The following CKB variants were observed in gnomAD, a reference collection of about 807,000 sequenced individuals.
CKB encodes the protein creatine kinase B, also known as creatine kinase B-type.
Under a neutral mutation model 36.9 loss-of-function variants are expected in CKB, and 15 were observed. The ratio of observed to expected loss-of-function variants is 0.41; its 90% CI spans 0.27 to 0.63. The LOEUF (loss-of-function observed/expected upper bound fraction) is 0.63. CKB is among the 20% of genes least tolerant of loss of function. The probability of loss-of-function intolerance (pLI) is 0.34; values close to 1 mark genes in which losing one functional copy is unlikely to be tolerated. For synonymous variants in CKB, 250 were observed against 228.2 expected (o/e 1.10, Z -0.86); for missense variants, 413 against 534.9 (o/e 0.77, Z 2.25).
intron 5 of CKB, 135 bp downstream of exon 5, chr14:103,521,128 G>A: frequency 2.7e-6 from 3 of 1,117,306 alleles, no homozygotes; most frequent in Admixed American, 4.0e-5. Flanking sequence ...CCCAGACCCG[G>A]AGCGCGGCCG....
intron 3 of CKB, 33 bp downstream of exon 3, chr14:103,521,990 C>CCCCG (rs758945270): frequency 6.5e-7 from 1 of 1,546,422 alleles, no homozygotes; most frequent in South Asian, 1.2e-5. Flanking sequence ...AAGACCCCGG[C>CCCCG]CCCGCCCGCC....
chr14:103,520,639 C>A, intron 5 of CKB, 47 bp from the exon 6 acceptor site: 1 of 1,574,128 alleles, frequency 6.4e-7, no homozygotes, highest in Non-Finnish European at 8.6e-7. Context: ...AAGCCCCAGG[C>A]CGCCCCCAGA....
rs1595994587 is a variant in CKB, at chr14:103,520,368, C to G, written c.778-57G>C. 12 of 1,587,040 alleles carry G rather than the reference C, an allele frequency of 7.6e-6. No individual in the cohort carries two copies. In the East Asian group the frequency reaches 2.7e-4, roughly 36 times the overall value. ...GGCCTGCCTGAAACCCCTACAGGCC[C>G]TGAGACTCCCCAGTGCCGGAAATCC... On this transcript the variant is annotated intron_variant, in intron 6 of 7. Coordinates refer to ENST00000348956, the MANE Select transcript of CKB (RefSeq NM_001823.5).
rs2075892506 is a variant in CKB, at chr14:103,520,457, C to T, written c.777+12G>A. The T allele has an allele frequency of 4.4e-6, 7 of 1,598,072 alleles. No homozygotes were observed. The highest frequency in any genetic ancestry group is 2.2e-5 in the South Asian group (2 of 89,558). Reference sequence around the variant, plus strand: ...GGGGCCCTGGGGTCTGGGCCTGCCCCGTCCCTGGCACCTGGGTGAGGCCGG... The same window carrying T: ...GGGGCCCTGGGGTCTGGGCCTGCCCTGTCCCTGGCACCTGGGTGAGGCCGG... On this transcript the variant is annotated intron_variant, in intron 6 of 7. Transcript: ENST00000348956.
chr14:103,519,783 GAAC>G lies in CKB; in HGVS notation c.*78_*80del. ...CAAGGCTAAGGGCTCGCCAGACGGC[GAAC>G]ATCAGGGGTGCATGGTGGGCACTGC... On this transcript the variant is annotated 3_prime_UTR_variant, in exon 8 of 8. Coordinates refer to ENST00000348956, the MANE Select transcript of CKB (RefSeq NM_001823.5). 1 of 1,476,346 alleles carries G rather than the reference GAAC, an allele frequency of 6.8e-7. No individual in the cohort carries two copies. The highest frequency in any genetic ancestry group is 9.0e-7 in the Non-Finnish European group (1 of 1,105,552). 91.5% of individuals were successfully genotyped at this position (1,476,346 alleles called of 1,614,324 possible).
chr14:103,522,766 C>G lies in CKB; in HGVS notation c.-13G>C, dbSNP rs1356116599. On this transcript the variant is annotated splice_region_variant and 5_prime_UTR_variant, in exon 1 of 8. Transcript: ENST00000348956. The surrounding 1 kb of genome is among the most constrained non-coding windows in gnomAD (Gnocchi z 6.7). ...GCCCCCGGCCCCCGGGCCCACTCACCGGGCGGCCGGGCGGGGGCGGGGGCG... is the reference window on the plus strand; with the variant it reads ...GCCCCCGGCCCCCGGGCCCACTCACGGGGCGGCCGGGCGGGGGCGGGGGCG... 6.7e-6 allele frequency: 1 copy of G among 149,990 alleles called. No individual in the cohort carries two copies. The highest frequency in any genetic ancestry group is 1.5e-5 in the Non-Finnish European group (1 of 67,278). The allele number at this position is 149,990 out of a possible 1,614,324, so 9.3% of individuals were successfully genotyped here.
intron 4 of CKB, 74 bp downstream of exon 4, chr14:103,521,743 TA>T: frequency 7.7e-7 from 1 of 1,302,102 alleles, no homozygotes; most frequent in Non-Finnish European, 9.8e-7. Flanking sequence ...CCGGGCGACG[TA>T]AACAAAAGCG....
Position 103,522,226 on chromosome 14 carries a change from G to A in CKB, c.194-49C>T, listed in dbSNP as rs1056553915. On this transcript the variant is annotated intron_variant, in intron 2 of 7. Transcript: ENST00000348956. The surrounding 1 kb of genome is among the most constrained non-coding windows in gnomAD (Gnocchi z 6.7). ...GGACAGTGACGTCACTGCCGGGCCC[G>A]AGCGCGCTGCTGAGGACCCTGCGGC... is the stretch of plus-strand genomic sequence containing the variant. The A allele has an allele frequency of 8.2e-6, 13 of 1,581,180 alleles. No homozygotes were observed. The highest frequency in any genetic ancestry group is 3.5e-4 in the Middle Eastern group (2 of 5,650).
chr14:103,521,144 TC>T, intron 5 of CKB, 118 bp downstream of exon 5: 6 of 1,250,816 alleles, frequency 4.8e-6, no homozygotes, highest in Non-Finnish European at 5.6e-6. Flanking sequence ...GGCCGGCCCC[TC>T]CCTCCTCCTC....
chr14:103,521,646 G>T, intron 4 of CKB, 172 bp downstream of exon 4: 1 of 976,496 alleles, frequency 1.0e-6, no homozygotes. Context: ...GCCGCTGTGG[G>T]CGCGGGGCTG....
At chr14:103,521,601 A>T in intron 4 of CKB, 167 bp from the exon 5 acceptor site, 1 of 904,968 alleles carries the variant, frequency 1.1e-6, no homozygotes, top group Non-Finnish European at 1.5e-6. Flanking sequence ...CCAGGCGGTG[A>T]CCCCGCGCCA....
intron 4 of CKB, 108 bp from the exon 5 acceptor site, chr14:103,521,542 AC>A: frequency 1.8e-6 from 2 of 1,131,744 alleles, no homozygotes; most frequent in Non-Finnish European, 2.3e-6. Context: ...AGAGGGCCCC[AC>A]CCGCCCGGAT....
At chr14:103,520,928 G>A (rs2075895636) in intron 5 of CKB, 1 of 520,838 alleles carries the variant, frequency 1.9e-6, no homozygotes, top group Non-Finnish European at 3.5e-6. Flanking sequence ...CGGCGGAGGA[G>A]TGAGAAAAGA....
chr14:103,521,465 C>T, intron 4 of CKB, 31 bp from the exon 5 acceptor site: 2 of 1,479,016 alleles, frequency 1.4e-6, no homozygotes, highest in African/African-American at 1.4e-5. Context: ...ACGCTCGGCT[C>T]CCGCGCCCGC....
chr14:103,522,523 G>C lies in CKB; in HGVS notation c.-12-18C>G, dbSNP rs1294789165. On this transcript the variant is annotated intron_variant, in intron 1 of 7. Coordinates refer to ENST00000348956, the MANE Select transcript of CKB (RefSeq NM_001823.5). This position sits in a 1 kb window ranked among gnomAD's most constrained non-coding sequence, Gnocchi z 6.7. ...GCGGCGGGCTGCGGGGAGACGCGGGGTCAGAGGGGACCGGCACGCCGGGGT... is the reference window on the plus strand; with the variant it reads ...GCGGCGGGCTGCGGGGAGACGCGGGCTCAGAGGGGACCGGCACGCCGGGGT... 6.6e-7 allele frequency: 1 copy of C among 1,515,464 alleles called. No individual in the cohort carries two copies. Among genetic ancestry groups the C allele is most frequent in the South Asian group, 1.1e-5 (1 of 87,240 alleles). The allele number at this position is 1,515,464 out of a possible 1,614,324, so 93.9% of individuals were successfully genotyped here. A position where few individuals can be genotyped will look rare whatever the true frequency, so the allele number is the denominator to read the frequency against.
chr14:103,520,783 T>C, intron 5 of CKB, 191 bp from the exon 6 acceptor site: 1 of 781,008 alleles, frequency 1.3e-6, no homozygotes, highest in South Asian at 1.9e-5. Flanking sequence ...GAACCCCAGC[T>C]GCCATCATGC....
chr14:103,521,574 C>G, intron 4 of CKB, 140 bp from the exon 5 acceptor site: 2 of 971,638 alleles, frequency 2.1e-6, no homozygotes, highest in South Asian at 4.5e-5. Context: ...CCAGTCCTCA[C>G]GGCCCGGGCG....
At position 103,521,145 on chromosome 14, in the gene CKB, C is replaced by CCCTCCT. The variant is rs137901801; in HGVS notation, c.653+112_653+117dup. 2,090 of 1,243,138 alleles carry CCCTCCT rather than the reference C, an allele frequency of 1.7e-3. 2 individuals are homozygous for CCCTCCT. The highest frequency in any genetic ancestry group is 1.7e-3 in the Non-Finnish European group (1,492 of 890,736). 77.0% of individuals were successfully genotyped at this position (1,243,138 alleles called of 1,614,324 possible). On this transcript the variant is annotated intron_variant, in intron 5 of 7. Coordinates refer to ENST00000348956, the MANE Select transcript of CKB (RefSeq NM_001823.5). ...CAGACCCGGAGCGCGGCCGGCCCCT[C>CCCTCCT]CCTCCTCCTCCTCCTCCTCCTCGCC... is the stretch of plus-strand genomic sequence containing the variant.
chr14:103,519,748 G>T lies in CKB; in HGVS notation c.*116C>A. On this transcript the variant is annotated 3_prime_UTR_variant, in exon 8 of 8. Transcript: ENST00000348956. ...ATAAACTCTACCAAGGGTGACGGAA[G>T]TCTCTACAGCAAGGCTAAGGGCTCG... 3 of 1,181,320 alleles carry T rather than the reference G, an allele frequency of 2.5e-6. No homozygotes were observed. Among genetic ancestry groups the T allele is most frequent in the Non-Finnish European group, 1.2e-6 (1 of 848,456 alleles). The allele number at this position is 1,181,320 out of a possible 1,614,324, so 73.2% of individuals were successfully genotyped here.
Sources: allele counts gnomAD v4.1 joint callset, GRCh38; gene constraint gnomAD v4.1.1; non-coding constraint Gnocchi (gnomAD v3.1); transcripts MANE v1.5; gene names NCBI Gene and HGNC (gene_info 2026-07-23, HGNC 2026-07-21).